The following NBAS variants were observed in gnomAD, a reference collection of about 807,000 sequenced individuals.
NBAS encodes NBAS subunit of NRZ tethering complex, also known as NAG/BC035112 fusion.
NBAS carries 219 observed loss-of-function variants against 302.5 expected under a neutral mutation model. That is an observed-to-expected ratio of 0.72 (90% CI 0.65 to 0.81). The LOEUF (loss-of-function observed/expected upper bound fraction) is 0.81, where lower values mean the gene tolerates loss of function less well. NBAS is among the 30% of genes least tolerant of loss of function. NBAS has a pLI of 0.00. For synonymous variants in NBAS, 1,118 were observed against 1,021.6 expected, an observed-to-expected ratio of 1.09 and a Z score of -1.80; for missense variants, 2,932 against 2,841.6, an observed-to-expected ratio of 1.03 and a Z score of -0.72.
At chr2:14,897,539 G>T in the NBAS span, among the ~76,000 whole-genome samples, 1 of 151,588 alleles carries the variant, frequency 6.6e-6, no homozygotes, top group Admixed American at 6.6e-5. Flanking sequence ...CTTCACCCTG[G>T]TCTAATGCCC....
At chr2:14,830,557 T>A in the NBAS span, among the ~76,000 whole-genome samples, 2 of 152,128 alleles carry the variant, frequency 1.3e-5, no homozygotes, top group African/African-American at 4.8e-5. Flanking sequence ...TCTTAAAAAA[T>A]TGTAGGATAA....
intron 47 of NBAS, among the ~76,000 whole-genome samples, chr2:15,225,165 T>C (rs1276105278): frequency 6.6e-6 from 1 of 152,196 alleles, no homozygotes; most frequent in Non-Finnish European, 1.5e-5. Context: ...CAACCTAGAA[T>C]ATCTTCCTGG....
At chr2:15,244,494 A>G (rs568699127) in intron 44 of NBAS, among the ~76,000 whole-genome samples, 65 of 152,260 alleles carry the variant, frequency 4.3e-4, no homozygotes, top group African/African-American at 1.6e-3. Flanking sequence ...TGTACAGCAG[A>G]TTTTTTAAGC....
At chr2:14,786,753 A>AT in the NBAS span, among the ~76,000 whole-genome samples, 1 of 152,108 alleles carries the variant, frequency 6.6e-6, no homozygotes, top group South Asian at 2.1e-4. Flanking sequence ...TATGTGGTCA[A>AT]TTTTGGAATA....
chr2:15,005,149 A>G, the NBAS span, among the ~76,000 whole-genome samples: 1 of 152,118 alleles, frequency 6.6e-6, no homozygotes, highest in East Asian at 1.9e-4. Context: ...CTTAACACAA[A>G]ACCTACCACC....
chr2:14,925,972 G>C, the NBAS span, among the ~76,000 whole-genome samples: 2 of 152,140 alleles, frequency 1.3e-5, no homozygotes, highest in Admixed American at 1.3e-4. Context: ...GGATCCTCTG[G>C]TAAGAACTCA....
intron 39 of NBAS, 142 bp downstream of exon 39, chr2:15,309,029 A>G: frequency 3.0e-6 from 1 of 336,464 alleles, no homozygotes; most frequent in Non-Finnish European, 4.9e-6. Context: ...TAATAAATAC[A>G]TAAATAAATA....
At chr2:14,795,164 GA>G in the NBAS span, among the ~76,000 whole-genome samples, 13 of 151,658 alleles carry the variant, frequency 8.6e-5, no homozygotes, top group African/African-American at 2.9e-4. Context: ...TGTAACTTTT[GA>G]AAAAAAATTT....
At chr2:14,847,659 GAGAT>G in the NBAS span, among the ~76,000 whole-genome samples, 1 of 152,108 alleles carries the variant, frequency 6.6e-6, no homozygotes, top group African/African-American at 2.4e-5. Flanking sequence ...TAGGGCTAAG[GAGAT>G]AGATAGACTC....
At chr2:14,856,825 A>G in the NBAS span, among the ~76,000 whole-genome samples, 1 of 151,964 alleles carries the variant, frequency 6.6e-6, no homozygotes, top group South Asian at 2.1e-4. Context: ...AACGGGGCAA[A>G]TATGAGTTAT....
chr2:15,058,870 T>C, the NBAS span, among the ~76,000 whole-genome samples: 2 of 152,320 alleles, frequency 1.3e-5, no homozygotes, highest in Admixed American at 1.3e-4. Context: ...AGGAGATAGA[T>C]TAAAGCCGAC....
intron 21 of NBAS, among the ~76,000 whole-genome samples, chr2:15,460,795 A>C (rs1679471938): frequency 6.6e-6 from 1 of 152,218 alleles, no homozygotes; most frequent in South Asian, 2.1e-4. Flanking sequence ...TTTCCTATGA[A>C]GAAAGGGTTG....
At chr2:15,532,322 T>A (rs1663259509) in intron 9 of NBAS, among the ~76,000 whole-genome samples, 2 of 151,698 alleles carry the variant, frequency 1.3e-5, no homozygotes, top group Admixed American at 1.3e-4. Context: ...ACCCCGTCTC[T>A]ACTAAAAATA....
At chr2:14,967,162 G>A in the NBAS span, among the ~76,000 whole-genome samples, 30,171 of 151,836 alleles carry the variant, frequency 0.2, 3,173 homozygotes, top group African/African-American at 0.27. Context: ...TTAAATAAAT[G>A]GAGAAACATA....
the NBAS span, among the ~76,000 whole-genome samples, chr2:14,918,943 T>C: frequency 4.6e-5 from 7 of 151,976 alleles, no homozygotes; most frequent in African/African-American, 1.7e-4. Flanking sequence ...CACAGAGATA[T>C]CAGGAAAATG....
chr2:15,224,285 T>G (rs1301420312), intron 47 of NBAS, among the ~76,000 whole-genome samples: 1 of 152,204 alleles, frequency 6.6e-6, no homozygotes, highest in Non-Finnish European at 1.5e-5. Context: ...AGACAGATTT[T>G]TTAAGAATAT....
At chr2:15,270,540 T>C (rs1669271963) in intron 44 of NBAS, among the ~76,000 whole-genome samples, 1 of 152,170 alleles carries the variant, frequency 6.6e-6, no homozygotes, top group African/African-American at 2.4e-5. Context: ...CCTCAATAAT[T>C]CTTAAGAATA....
At chr2:14,975,645 C>G in the NBAS span, among the ~76,000 whole-genome samples, 1 of 152,150 alleles carries the variant, frequency 6.6e-6, no homozygotes, top group Non-Finnish European at 1.5e-5. Context: ...TCAATGCACT[C>G]CTTGCATTTC....
At chr2:15,376,336 G>C (rs1674735144) in intron 30 of NBAS, among the ~76,000 whole-genome samples, 1 of 152,148 alleles carries the variant, frequency 6.6e-6, no homozygotes, top group Non-Finnish European at 1.5e-5. Context: ...GAGAGAAAGA[G>C]ATGCAATGAA....
Sources: allele counts gnomAD v4.1 joint callset (sites outside exome capture counted in the v4.1 genomes callset), GRCh38; gene constraint gnomAD v4.1.1; transcripts MANE v1.5; gene names NCBI Gene and HGNC (gene_info 2026-07-23, HGNC 2026-07-21).